RAB5B: variants seen among roughly 807,000 people sequenced by gnomAD.
The protein encoded by RAB5B is RAB5B, member RAS oncogene family, also known as ras-related protein Rab-5B.
Under a neutral mutation model 28.6 loss-of-function variants are expected in RAB5B, and 11 were observed. The observed-to-expected ratio is 0.38, with a 90% confidence interval of 0.24 to 0.64. The LOEUF is 0.64. RAB5B is among the 30% of genes least tolerant of loss of function. RAB5B has a pLI of 0.53. For missense variants in RAB5B, 169 were observed against 265.6 expected (o/e 0.64, Z 2.53); for synonymous variants, 93 against 97.9 (o/e 0.95, Z 0.29).
chr12:55,982,931 T>C (rs1428361126), intron 1 of RAB5B, among the ~76,000 whole-genome samples: 1 of 152,194 alleles, frequency 6.6e-6, no homozygotes, highest in Non-Finnish European at 1.5e-5. Context: ...TTGAAATACA[T>C]AAAAATGTAA....
chr12:55,978,465 C>T (rs1889708030), intron 1 of RAB5B, among the ~76,000 whole-genome samples: 1 of 151,634 alleles, frequency 6.6e-6, no homozygotes, highest in Admixed American at 6.6e-5. Context: ...GATCGCGTCA[C>T]TGCACTCCAG....
chr12:55,979,954 T>A (rs934090997), intron 1 of RAB5B, among the ~76,000 whole-genome samples: 27 of 152,290 alleles, frequency 1.8e-4, no homozygotes, highest in African/African-American at 4.6e-4. Context: ...TTATTTTATT[T>A]TTTATTTATT....
At chr12:55,989,884 G>C in intron 2 of RAB5B, 63 bp from the exon 3 acceptor site, 1 of 1,531,662 alleles carries the variant, frequency 6.5e-7, no homozygotes, top group Non-Finnish European at 9.0e-7. Context: ...TTGAAGGGGG[G>C]GAGGGATGTT....
intron 3 of RAB5B, chr12:55,990,332 C>T (rs1016895063): frequency 1.0e-5 from 5 of 481,084 alleles, no homozygotes; most frequent in African/African-American, 7.9e-5. Flanking sequence ...CGCTTGAACC[C>T]AGGAGGCGGA....
intron 1 of RAB5B, among the ~76,000 whole-genome samples, chr12:55,983,805 A>G (rs1889875673): frequency 6.6e-6 from 1 of 151,548 alleles, no homozygotes; most frequent in Non-Finnish European, 1.5e-5. Flanking sequence ...TTACAGGCAC[A>G]TACCACCATG....
intron 2 of RAB5B, among the ~76,000 whole-genome samples, chr12:55,987,616 G>A (rs565241679): frequency 7.9e-5 from 12 of 152,242 alleles, no homozygotes; most frequent in African/African-American, 2.9e-4. Flanking sequence ...GATCACCTGA[G>A]GTCAGGAGTT....
intron 1 of RAB5B, among the ~76,000 whole-genome samples, chr12:55,976,857 A>G (rs910547030): frequency 7.7e-4 from 118 of 152,282 alleles, no homozygotes; most frequent in Non-Finnish European, 3.4e-4. Context: ...TGTCCTTACT[A>G]GCTTTAAAAG....
At position 55,996,003 on chromosome 12, in the gene RAB5B, A is replaced by ATATATATATATATT; in HGVS notation, c.*3792_*3793insATATATATATATTT. 9 of 97,410 alleles carry ATATATATATATATT rather than the reference A, an allele frequency of 9.2e-5. No individual in the cohort carries two copies. Among genetic ancestry groups the ATATATATATATATT allele is most frequent in the Non-Finnish European group, 1.6e-4 (8 of 50,484 alleles). 6.0% of individuals were successfully genotyped at this position (97,410 alleles called of 1,614,324 possible). On this transcript the variant is annotated 3_prime_UTR_variant, in exon 6 of 6. Transcript: ENST00000360299. The stretch of plus-strand genomic sequence containing the variant: ...TATATACATATATATATATATATAT[A>ATATATATATATATT]TTTTTTTTTTAACAACTGGTAGGAT...
At position 55,989,673 on chromosome 12, in the gene RAB5B, C is replaced by T. The variant is rs146344589; in HGVS notation, c.164-274C>T. On this transcript the variant is annotated intron_variant, in intron 2 of 5. Coordinates refer to ENST00000360299, the MANE Select transcript of RAB5B (RefSeq NM_002868.4). ...TATTTTGGTTAGAAGAAGGATGACT[C>T]GTATAAGTGCCAGTTCTTCTGTCCC... Among the ~76,000 whole-genome samples, 46 of 152,302 alleles carry T rather than the reference C, an allele frequency of 3.0e-4. No homozygotes were observed. In the East Asian group the frequency reaches 6.2e-3, roughly 20 times the overall value.
chr12:55,974,782 T>C (rs1592789847), intron 1 of RAB5B, among the ~76,000 whole-genome samples: 1 of 152,242 alleles, frequency 6.6e-6, no homozygotes, highest in South Asian at 2.1e-4. Context: ...CTGGTATCAG[T>C]TATGGGAACT....
chr12:55,974,403 G>A (rs1592789477), intron 1 of RAB5B, among the ~76,000 whole-genome samples: 1 of 152,234 alleles, frequency 6.6e-6, no homozygotes, highest in East Asian at 1.9e-4. Flanking sequence ...CTGGAGGCCT[G>A]GAGCTTGAGT....
Position 55,993,845 on chromosome 12 carries a change from C to T in RAB5B, c.*1633C>T, listed in dbSNP as rs1212124299. 6.6e-6 allele frequency: 1 copy of T among 152,464 alleles called. No individual in the cohort carries two copies. The highest frequency in any genetic ancestry group is 6.5e-5 in the Admixed American group (1 of 15,278). 9.4% of individuals were successfully genotyped at this position (152,464 alleles called of 1,614,324 possible). On this transcript the variant is annotated 3_prime_UTR_variant, in exon 6 of 6. Transcript: ENST00000360299. Reference sequence around the variant, plus strand: ...CACTGAAGGTACCTTACAACTGGCTCATATTATCAGAGGACCTTGGTCCTT... The same window carrying T: ...CACTGAAGGTACCTTACAACTGGCTTATATTATCAGAGGACCTTGGTCCTT...
At chr12:55,985,475 A>G (rs371814164) in intron 1 of RAB5B, 2 of 276,928 alleles carry the variant, frequency 7.2e-6, no homozygotes, top group East Asian at 1.1e-4. Flanking sequence ...TGCTCTGCCT[A>G]TGCTAACTTC....
chr12:55,978,508 A>AG, intron 1 of RAB5B, among the ~76,000 whole-genome samples: 1 of 149,228 alleles, frequency 6.7e-6, no homozygotes, highest in South Asian at 2.1e-4. Context: ...CGTCTCAGGA[A>AG]AAAAAAAAAA....
At chr12:55,979,492 C>T (rs2136473314) in intron 1 of RAB5B, 1 of 152,254 alleles carries the variant, frequency 6.6e-6, no homozygotes, top group East Asian at 1.9e-4. Flanking sequence ...CTGGTTTCTG[C>T]TCTATCTTCC....
intron 1 of RAB5B, among the ~76,000 whole-genome samples, chr12:55,977,725 T>C (rs1212943510): frequency 2.0e-5 from 3 of 152,134 alleles, no homozygotes; most frequent in Admixed American, 2.0e-4. Flanking sequence ...CATGGTATAC[T>C]CCCACTTCCG....
In RAB5B at chr12:55,993,291, C is replaced by T. The variant is rs1014709289; in HGVS notation, c.*1079C>T. ...TGAAATCTGAGGTTAATGCGAGGTTCGAGGAGAGGTTATAGATAAAACTAC... is the reference window on the plus strand; with the variant it reads ...TGAAATCTGAGGTTAATGCGAGGTTTGAGGAGAGGTTATAGATAAAACTAC... On this transcript the variant is annotated 3_prime_UTR_variant, in exon 6 of 6. Coordinates refer to ENST00000360299, the MANE Select transcript of RAB5B (RefSeq NM_002868.4). The T allele has an allele frequency of 6.6e-6, 1 of 152,532 alleles. No individual in the cohort carries two copies. Among genetic ancestry groups the T allele is most frequent in the Non-Finnish European group, 1.5e-5 (1 of 68,036 alleles). The allele number at this position is 152,532 out of a possible 1,614,324, so 9.4% of individuals were successfully genotyped here.
At chr12:55,981,590 G>A (rs1165169434) in intron 1 of RAB5B, among the ~76,000 whole-genome samples, 1 of 152,056 alleles carries the variant, frequency 6.6e-6, no homozygotes, top group African/African-American at 2.4e-5. Context: ...AAGCTAACAA[G>A]TGGAAGGGGG....
chr12:55,992,574 T>C lies in RAB5B; in HGVS notation c.*362T>C. 2.1e-6 allele frequency: 1 copy of C among 466,566 alleles called. No individual in the cohort carries two copies. Among genetic ancestry groups the C allele is most frequent in the South Asian group, 1.6e-5 (1 of 64,448 alleles). 28.9% of individuals were successfully genotyped at this position (466,566 alleles called of 1,614,324 possible). On this transcript the variant is annotated 3_prime_UTR_variant, in exon 6 of 6. Transcript: ENST00000360299. ...TTTCAGAAAACACTTCTGACTCCTG[T>C]CCCTTCCCCTTCTGCTTTTGGTCAG...
Sources: gnomAD v4.1 joint callset for allele counts (sites outside exome capture counted in the v4.1 genomes callset) on GRCh38, gnomAD v4.1.1 for gene constraint, MANE v1.5 for transcripts, NCBI Gene and HGNC (gene_info 2026-07-23, HGNC 2026-07-21) for gene names.